CNTD1: variants seen among roughly 807,000 people sequenced by gnomAD.
CNTD1 encodes cyclin N-terminal domain containing 1, also known as cyclin N-terminal domain-containing protein 1.
In CNTD1, 17 loss-of-function variants were observed where a neutral mutation model predicts 36.3. That is an observed-to-expected ratio of 0.47 (90% CI 0.32 to 0.70). The LOEUF is 0.70. CNTD1 is among the 30% of genes least tolerant of loss of function. The pLI is 0.03. For missense variants in CNTD1, 338 were observed against 386.1 expected, an observed-to-expected ratio of 0.88 and a Z score of 1.04; for synonymous variants, 128 against 153.3, an observed-to-expected ratio of 0.83 and a Z score of 1.22.
intron 1 of CNTD1, among the ~76,000 whole-genome samples, chr17:42,799,544 G>T (rs543763670): frequency 2.7e-4 from 41 of 151,842 alleles, no homozygotes; most frequent in Non-Finnish European, 2.2e-4. Context: ...CTGAGGTCAG[G>T]AGTTCGAGAC....
chr17:42,800,015 G>A (rs12938525), intron 1 of CNTD1, among the ~76,000 whole-genome samples: 1 of 146,258 alleles, frequency 6.8e-6, no homozygotes, highest in African/African-American at 2.5e-5. Flanking sequence ...AGTGAGCTGA[G>A]ATGGCGCCAC....
At chr17:42,800,089 A>G (rs9894205) in intron 1 of CNTD1, among the ~76,000 whole-genome samples, 1,446 of 132,936 alleles carry the variant, frequency 0.011, 26 homozygotes, top group African/African-American at 0.038. Flanking sequence ...AAAAAAAAAA[A>G]AGAGAAAAGA....
At position 42,799,160 on chromosome 17, in the gene CNTD1, C is replaced by T. The variant is rs746267539; in HGVS notation, c.93C>T (p.His31=). 23 of 1,613,968 alleles carry T rather than the reference C, an allele frequency of 1.4e-5. No individual in the cohort carries two copies. Among genetic ancestry groups the T allele is most frequent in the Non-Finnish European group, 1.9e-5 (23 of 1,180,008 alleles). ...AGACGATTGAAGACGCCCTGCTTCA[C>T]TTGGCCCAGCAGAATGAGCAAGCAG... ...ATETIEDALL[H]LAQQNEQAVR... Residue 31 remains histidine (H), a synonymous_variant, in exon 1 of 7, where the codon CAC becomes CAT. Transcript: ENST00000588408.
At chr17:42,809,131 T>C (rs2054938850) in intron 6 of CNTD1, among the ~76,000 whole-genome samples, 1 of 152,230 alleles carries the variant, frequency 6.6e-6, no homozygotes, top group Admixed American at 6.5e-5. Flanking sequence ...CATTCTTATA[T>C]TTCACAAAAC....
chr17:42,799,287 T>G (rs1411164055), intron 1 of CNTD1, 51 bp downstream of exon 1: 3 of 1,554,322 alleles, frequency 1.9e-6, no homozygotes, highest in Non-Finnish European at 2.6e-6. Context: ...GGGGCTTGTG[T>G]CTTTCAGGCA....
At chr17:42,808,307 A>G (rs956111251) in intron 6 of CNTD1, among the ~76,000 whole-genome samples, 6 of 151,976 alleles carry the variant, frequency 3.9e-5, no homozygotes, top group African/African-American at 1.5e-4. Context: ...CCAGCACTTT[A>G]GGAGGCCGAG....
upstream of CNTD1, chr17:42,798,814 G>C (rs963130921): frequency 2.1e-6 from 3 of 1,448,574 alleles, no homozygotes; most frequent in African/African-American, 4.3e-5. Flanking sequence ...CCCGGGCACA[G>C]GGGATGGACG....
rs1004791977 is a variant in CNTD1 at position 42,810,568 on chromosome 17, T to C, written c.*1033T>C. On this transcript the variant is annotated 3_prime_UTR_variant, in exon 7 of 7. Coordinates refer to ENST00000588408, the MANE Select transcript of CNTD1 (RefSeq NM_173478.3). Reference sequence around the variant, plus strand: ...CAAAACTGACCAGGGCTGGCAACTATAGATGGCATGTTGTAGCTCTGGAAA... The same window carrying C: ...CAAAACTGACCAGGGCTGGCAACTACAGATGGCATGTTGTAGCTCTGGAAA... 5.9e-6 allele frequency: 3 copies of C among 508,710 alleles called. No individual in the cohort carries two copies. The highest frequency in any genetic ancestry group is 4.0e-5 in the African/African-American group (2 of 50,552). The allele number at this position is 508,710 out of a possible 1,614,324, so 31.5% of individuals were successfully genotyped here.
chr17:42,801,506 AAAAAATATATAT>A (rs1224784596), intron 1 of CNTD1, among the ~76,000 whole-genome samples: 5 of 52,730 alleles, frequency 9.5e-5, no homozygotes, highest in African/African-American at 8.2e-4. Flanking sequence ...AAAAAAAAAA[AAAAAATATATAT>A]ATATATATAT....
rs1333790981 is a variant in CNTD1, at chr17:42,811,429, A to C, written c.*1894A>C. Reference sequence around the variant, plus strand: ...GAGGCTTGAGCTCTATGCCAAGAAAACCCCCTAAACCATCTAAGGCAACAT... The same window carrying C: ...GAGGCTTGAGCTCTATGCCAAGAAACCCCCCTAAACCATCTAAGGCAACAT... On this transcript the variant is annotated 3_prime_UTR_variant, in exon 7 of 7. Transcript: ENST00000588408. 2 of 434,714 alleles carry C rather than the reference A, an allele frequency of 4.6e-6. No homozygotes were observed. 26.9% of individuals were successfully genotyped at this position (434,714 alleles called of 1,614,324 possible).
At chr17:42,804,928 A>G (rs1437802546) in intron 3 of CNTD1, among the ~76,000 whole-genome samples, 2 of 152,124 alleles carry the variant, frequency 1.3e-5, no homozygotes, top group Non-Finnish European at 2.9e-5. Context: ...ACACACACAC[A>G]CGCACACACA....
chr17:42,803,749 A>G (rs2054832491), intron 2 of CNTD1, 54 bp downstream of exon 2: 5 of 1,367,326 alleles, frequency 3.7e-6, no homozygotes, highest in Non-Finnish European at 5.2e-6. Flanking sequence ...TGGCTAATGT[A>G]CCTACATCTT....
In CNTD1 at chr17:42,810,880, G is replaced by A. The variant is rs1408205130; in HGVS notation, c.*1345G>A. 6.2e-7 allele frequency: 1 copy of A among 1,612,864 alleles called. No individual in the cohort carries two copies. Among genetic ancestry groups the A allele is most frequent in the Non-Finnish European group, 8.5e-7 (1 of 1,179,560 alleles). Reference sequence around the variant, plus strand: ...TAAACTGGGTTTTGATGGAATAGGAGCCGCCACTGCCTCCTGTGTCTTCAA... The same window carrying A: ...TAAACTGGGTTTTGATGGAATAGGAACCGCCACTGCCTCCTGTGTCTTCAA... On this transcript the variant is annotated 3_prime_UTR_variant, in exon 7 of 7. Coordinates refer to ENST00000588408, the MANE Select transcript of CNTD1 (RefSeq NM_173478.3).
At chr17:42,805,672 G>T (rs778799013) in intron 3 of CNTD1, 50 bp from the exon 4 acceptor site, 5 of 1,526,350 alleles carry the variant, frequency 3.3e-6, no homozygotes, top group South Asian at 2.4e-5. Flanking sequence ...CTGTCAAGAC[G>T]TATGAACTTT....
At chr17:42,803,492 AG>A in intron 1 of CNTD1, 127 bp from the exon 2 acceptor site, 1 of 680,764 alleles carries the variant, frequency 1.5e-6, no homozygotes, top group Non-Finnish European at 2.6e-6. Context: ...TGGTTGTTTT[AG>A]TCTCATCTTT....
intron 5 of CNTD1, 83 bp from the exon 6 acceptor site, chr17:42,807,685 C>G: frequency 2.1e-6 from 2 of 972,404 alleles, no homozygotes; most frequent in South Asian, 2.8e-5. Flanking sequence ...ACAAATAATT[C>G]ATAGTTGAAG....
In CNTD1 at chr17:42,811,471, C is replaced by A. The variant is rs528315431; in HGVS notation, c.*1936C>A. The A allele has an allele frequency of 1.2e-3, 759 of 627,428 alleles. 1 individual carries two copies. The highest frequency in any genetic ancestry group is 1.1e-3 in the Non-Finnish European group (420 of 395,420). The allele number at this position is 627,428 out of a possible 1,614,324, so 38.9% of individuals were successfully genotyped here. On this transcript the variant is annotated 3_prime_UTR_variant, in exon 7 of 7. Coordinates refer to ENST00000588408, the MANE Select transcript of CNTD1 (RefSeq NM_173478.3). ...AGGCAACATTCTTCTACTCCAAGGA[C>A]TAGGTGGTCACATTCTGTCCTGCTT...
At chr17:42,804,515 G>T in intron 3 of CNTD1, 119 bp downstream of exon 3, 221 of 873,740 alleles carry the variant, frequency 2.5e-4, no homozygotes, top group Middle Eastern at 3.7e-4. Context: ...AAATTACAAA[G>T]TAAAAACAAC....
chr17:42,800,116 A>C (rs1467956183), intron 1 of CNTD1, among the ~76,000 whole-genome samples: 2 of 151,814 alleles, frequency 1.3e-5, no homozygotes, highest in Non-Finnish European at 1.5e-5. Flanking sequence ...AAATAGAGAT[A>C]GAGGTCTTGC....
Sources: allele counts gnomAD v4.1 joint callset (sites outside exome capture counted in the v4.1 genomes callset), GRCh38; gene constraint gnomAD v4.1.1; transcripts MANE v1.5; gene names NCBI Gene and HGNC (gene_info 2026-07-23, HGNC 2026-07-21).